PLEKHF2: variants seen among roughly 807,000 people sequenced by gnomAD.
PLEKHF2 encodes the protein pleckstrin homology domain-containing family F member 2.
PLEKHF2 carries 4 observed loss-of-function variants against 14.7 expected under a neutral mutation model. That is an observed-to-expected ratio of 0.27 (90% CI 0.13 to 0.62). PLEKHF2 has a LOEUF of 0.62. Among genes scored for constraint, PLEKHF2 ranks in the 20% least tolerant of loss-of-function variants. The pLI, the probability that PLEKHF2 is intolerant of heterozygous loss-of-function variation, is 0.85. For missense variants in PLEKHF2, 201 were observed against 307.7 expected, an observed-to-expected ratio of 0.65 and a Z score of 2.60; for synonymous variants, 90 against 103.5, an observed-to-expected ratio of 0.87 and a Z score of 0.79.
intron 1 of PLEKHF2, among the ~76,000 whole-genome samples, chr8:95,136,409 GT>G (rs1230014174): frequency 6.6e-6 from 1 of 151,364 alleles, no homozygotes; most frequent in Non-Finnish European, 1.5e-5. Context: ...ATTTAACTTA[GT>G]ACCTGAGTGA....
chr8:95,144,385 C>G (rs890683889), intron 1 of PLEKHF2, among the ~76,000 whole-genome samples: 5 of 152,092 alleles, frequency 3.3e-5, no homozygotes, highest in African/African-American at 9.7e-5. Flanking sequence ...CATAGCTTTG[C>G]CTTTTACTTC....
rs767044392 is a variant in PLEKHF2 at position 95,154,463 on chromosome 8, C to T, written c.419C>T (p.Thr140Ile). ...GATTTACTCTCCAAAAGTGGGAAGA[C>T]ACCCAGTAATGAACATGCTGCTGTC... ...VTDLLSKSGK[T>I]PSNEHAAVWV... The change falls in exon 2 of 2, where the codon ACA (threonine) becomes ATA (isoleucine). Residue 140 changes from threonine (T) to isoleucine (I), a missense_variant. Transcript: ENST00000315367. This position sits in a 1 kb window ranked among gnomAD's most constrained non-coding sequence, Gnocchi z 5.6. The T allele has an allele frequency of 9.9e-6, 16 of 1,613,926 alleles. No individual in the cohort carries two copies. Among genetic ancestry groups the T allele is most frequent in the African/African-American group, 2.7e-5 (2 of 74,908 alleles).
chr8:95,151,042 G>A (rs1378923777), intron 1 of PLEKHF2, among the ~76,000 whole-genome samples: 1 of 152,094 alleles, frequency 6.6e-6, no homozygotes, highest in Non-Finnish European at 1.5e-5. Flanking sequence ...CTCCCTATGA[G>A]TAGAGTTCAT....
intron 1 of PLEKHF2, among the ~76,000 whole-genome samples, chr8:95,135,645 A>G (rs926887425): frequency 2.0e-5 from 3 of 152,224 alleles, no homozygotes; most frequent in African/African-American, 7.2e-5. Flanking sequence ...GTTCTTAAAA[A>G]TTCTTTTAGT....
At position 95,154,905 on chromosome 8, in the gene PLEKHF2, G is replaced by T. The variant is rs1340198485; in HGVS notation, c.*111G>T. On this transcript the variant is annotated 3_prime_UTR_variant, in exon 2 of 2. Transcript: ENST00000315367. The surrounding 1 kb of genome is among the most constrained non-coding windows in gnomAD (Gnocchi z 5.6). ...TTTTGTTCTAGCCATGAATTTGCCT[G>T]AGAAACTTGTAACCTATGTGCCTCA... 6 of 1,360,422 alleles carry T rather than the reference G, an allele frequency of 4.4e-6. No homozygotes were observed. The African/African-American group carries it at 8.8e-5, about 20-fold the overall frequency. The allele number at this position is 1,360,422 out of a possible 1,614,324, so 84.3% of individuals were successfully genotyped here.
In PLEKHF2 at chr8:95,155,269, T is replaced by C. The variant is rs574072547; in HGVS notation, c.*475T>C. 3 of 177,122 alleles carry C rather than the reference T, an allele frequency of 1.7e-5. No individual in the cohort carries two copies. Among genetic ancestry groups the C allele is most frequent in the African/African-American group, 7.2e-5 (3 of 41,638 alleles). 11.0% of individuals were successfully genotyped at this position (177,122 alleles called of 1,614,324 possible). The stretch of plus-strand genomic sequence containing the variant: ...ATTTGGAAATACTTTGGCTTTTTCA[T>C]ATACCTAGTGGTGCCTTATCATAAT... On this transcript the variant is annotated 3_prime_UTR_variant, in exon 2 of 2. Coordinates refer to ENST00000315367, the MANE Select transcript of PLEKHF2 (RefSeq NM_024613.4).
At chr8:95,139,168 T>C (rs1478709358) in intron 1 of PLEKHF2, among the ~76,000 whole-genome samples, 1 of 152,212 alleles carries the variant, frequency 6.6e-6, no homozygotes, top group Admixed American at 6.5e-5. Context: ...TCTGTTGGGA[T>C]ATTTTCCTCT....
At chr8:95,144,294 A>G (rs996551398) in intron 1 of PLEKHF2, among the ~76,000 whole-genome samples, 2 of 152,326 alleles carry the variant, frequency 1.3e-5, no homozygotes, top group Middle Eastern at 3.4e-3. Flanking sequence ...ATATTCAACT[A>G]TGACTTAGTT....
chr8:95,138,413 CA>C (rs35207103), intron 1 of PLEKHF2, among the ~76,000 whole-genome samples: 18,477 of 122,582 alleles, frequency 0.15, 1,491 homozygotes, highest in Non-Finnish European at 0.19. Context: ...GTACTTGTTT[CA>C]TTTAAACAAC....
At position 95,154,698 on chromosome 8, in the gene PLEKHF2, A is replaced by T. The variant is rs755262954; in HGVS notation, c.654A>T (p.Thr218=). Residue 218 remains threonine, a synonymous_variant, in exon 2 of 2, where the codon ACA becomes ACT. Coordinates refer to ENST00000315367, the MANE Select transcript of PLEKHF2 (RefSeq NM_024613.4). This position sits in a 1 kb window ranked among gnomAD's most constrained non-coding sequence, Gnocchi z 5.6. ...TGCTTTCTGCTGGGGACATGGCCAC[A>T]TGCCAGCCTGCTAGATCAGACTCTT... ...YDLLSAGDMA[T]CQPARSDSYS... is the part of the protein sequence containing the mutation. 6.2e-6 allele frequency: 10 copies of T among 1,614,078 alleles called. No individual in the cohort carries two copies. The highest frequency in any genetic ancestry group is 1.3e-5 in the African/African-American group (1 of 74,942).
chr8:95,154,125 A>G lies in PLEKHF2; in HGVS notation c.81A>G (p.Gln27=). The change falls in exon 2 of 2, where the codon CAA becomes CAG. Residue 27 remains glutamine, a synonymous_variant. Transcript: ENST00000315367. The surrounding 1 kb of genome is among the most constrained non-coding windows in gnomAD (Gnocchi z 5.6). Reference sequence around the variant, plus strand: ...AAAACTGTTTTGGAGCAGCTGGTCAACCTTTAACTATACCTGGACGAGTTC... The same window carrying G: ...AAAACTGTTTTGGAGCAGCTGGTCAGCCTTTAACTATACCTGGACGAGTTC... ...IVENCFGAAG[Q]PLTIPGRVLI... The G allele has an allele frequency of 6.2e-7, 1 of 1,614,006 alleles. No homozygotes were observed. Among genetic ancestry groups the G allele is most frequent in the Non-Finnish European group, 8.5e-7 (1 of 1,179,932 alleles).
intron 1 of PLEKHF2, among the ~76,000 whole-genome samples, chr8:95,145,646 G>C (rs113123294): frequency 6.6e-6 from 1 of 151,984 alleles, no homozygotes; most frequent in Non-Finnish European, 1.5e-5. Context: ...GGATGGTCTC[G>C]ATCTCCTGAC....
intron 1 of PLEKHF2, among the ~76,000 whole-genome samples, chr8:95,139,226 G>A (rs925531639): frequency 3.9e-5 from 6 of 152,012 alleles, no homozygotes; most frequent in African/African-American, 4.8e-5. Context: ...AATGTTGGCC[G>A]GGTGCGGTGG....
In PLEKHF2 at chr8:95,154,873, C is replaced by CT; in HGVS notation, c.*80dup. On this transcript the variant is annotated 3_prime_UTR_variant, in exon 2 of 2. Coordinates refer to ENST00000315367, the MANE Select transcript of PLEKHF2 (RefSeq NM_024613.4). The surrounding 1 kb of genome is among the most constrained non-coding windows in gnomAD (Gnocchi z 5.6). ...GGGGAAATGTAAGATTCTGAGCTCT[C>CT]TCTCTGTTTTGTTCTAGCCATGAAT... 2 of 1,500,612 alleles carry CT rather than the reference C, an allele frequency of 1.3e-6. No individual in the cohort carries two copies. Among genetic ancestry groups the CT allele is most frequent in the Non-Finnish European group, 1.8e-6 (2 of 1,112,350 alleles). The allele number at this position is 1,500,612 out of a possible 1,614,324, so 93.0% of individuals were successfully genotyped here.
In PLEKHF2 at chr8:95,153,389, T is replaced by TA. The variant is rs1169656853; in HGVS notation, c.-14-641dup. Among the ~76,000 whole-genome samples the TA allele has an allele frequency of 3.9e-5, 6 of 152,188 alleles. No individual in the cohort carries two copies. In the East Asian group the frequency reaches 1.2e-3, roughly 29 times the overall value. On this transcript the variant is annotated intron_variant, in intron 1 of 1. Coordinates refer to ENST00000315367, the MANE Select transcript of PLEKHF2 (RefSeq NM_024613.4). ...ATGACATTTGAGGTGAAGACTGACT[T>TA]ATGGTGAGGTTGGAGTGACAAGAAC...
At chr8:95,138,557 C>T (rs1052978215) in intron 1 of PLEKHF2, among the ~76,000 whole-genome samples, 1 of 151,594 alleles carries the variant, frequency 6.6e-6, no homozygotes, top group Admixed American at 6.6e-5. Context: ...AACTAAAAGG[C>T]TTTGTCTATG....
At chr8:95,152,842 T>C (rs771223924) in intron 1 of PLEKHF2, among the ~76,000 whole-genome samples, 1 of 152,162 alleles carries the variant, frequency 6.6e-6, no homozygotes, top group African/African-American at 2.4e-5. Context: ...ACTTACATAC[T>C]ATGCTGTTAG....
chr8:95,151,949 T>C (rs77070248), intron 1 of PLEKHF2, among the ~76,000 whole-genome samples: 13,189 of 152,150 alleles, frequency 0.087, 722 homozygotes, highest in African/African-American at 0.16. Flanking sequence ...ATGTATTCCA[T>C]TGAGTCTAAA....
chr8:95,150,597 CAGGG>C (rs1459250464), intron 1 of PLEKHF2, among the ~76,000 whole-genome samples: 1 of 152,062 alleles, frequency 6.6e-6, no homozygotes, highest in Non-Finnish European at 1.5e-5. Flanking sequence ...CATTATTAAA[CAGGG>C]AGAAAGATTT....
Sources: allele counts gnomAD v4.1 joint callset (sites outside exome capture counted in the v4.1 genomes callset), GRCh38; gene constraint gnomAD v4.1.1; non-coding constraint Gnocchi (gnomAD v3.1); transcripts MANE v1.5; gene names NCBI Gene and HGNC (gene_info 2026-07-23, HGNC 2026-07-21).